Variants in LPCAT2 observed in about 807,000 individuals in gnomAD.
LPCAT2 encodes lysophosphatidylcholine acyltransferase 2, also known as 1-AGP acyltransferase 11.
In LPCAT2, 58 loss-of-function variants were observed where a neutral mutation model predicts 64.7. The observed-to-expected ratio is 0.90, with a 90% CI of 0.73 to 1.12. The LOEUF is 1.12. Among genes scored for constraint, LPCAT2 ranks in the 50% most tolerant of loss-of-function variants. The probability of loss-of-function intolerance (pLI) is 0.00; values close to 1 mark genes in which losing one functional copy is unlikely to be tolerated. For synonymous variants in LPCAT2, 252 were observed against 245.3 expected (o/e 1.03, Z -0.26); for missense variants, 579 against 669.8 (o/e 0.86, Z 1.50).
At chr16:55,527,269 A>T (rs557917883) in intron 2 of LPCAT2, among the ~76,000 whole-genome samples, 1 of 152,180 alleles carries the variant, frequency 6.6e-6, no homozygotes, top group African/African-American at 2.4e-5. Flanking sequence ...GGATCACTTG[A>T]GGTCAGGAGT....
At chr16:55,580,169 A>G (rs1176282857) in intron 13 of LPCAT2, among the ~76,000 whole-genome samples, 1 of 152,184 alleles carries the variant, frequency 6.6e-6, no homozygotes. Context: ...GGATGGGAAA[A>G]GTAGATCACA....
At chr16:55,570,307 T>C (rs1230199712) in intron 11 of LPCAT2, among the ~76,000 whole-genome samples, 5 of 152,162 alleles carry the variant, frequency 3.3e-5, no homozygotes, top group African/African-American at 1.2e-4. Flanking sequence ...AGTTGGTTTA[T>C]CTAGCTACCC....
chr16:55,536,039 A>G (rs1249624372), intron 7 of LPCAT2, among the ~76,000 whole-genome samples: 3 of 152,204 alleles, frequency 2.0e-5, no homozygotes, highest in Non-Finnish European at 2.9e-5. Context: ...TTTTAAACAA[A>G]CACAAAATCT....
intron 1 of LPCAT2, among the ~76,000 whole-genome samples, chr16:55,519,328 G>A (rs562882701): frequency 6.7e-5 from 10 of 149,902 alleles, no homozygotes; most frequent in East Asian, 2.0e-4. Context: ...GTGAAACCCC[G>A]TCTCTACTAA....
At chr16:55,513,044 C>A (rs1248548156) in intron 1 of LPCAT2, among the ~76,000 whole-genome samples, 1 of 152,068 alleles carries the variant, frequency 6.6e-6, no homozygotes, top group Non-Finnish European at 1.5e-5. Context: ...ATATATCACC[C>A]AAAATGGCCA....
chr16:55,542,396 G>C (rs1390962359), intron 8 of LPCAT2, among the ~76,000 whole-genome samples: 1 of 152,074 alleles, frequency 6.6e-6, no homozygotes, highest in African/African-American at 2.4e-5. Context: ...CAATAGAAGG[G>C]AATACATTCA....
At chr16:55,573,491 AGCG>A (rs1416250747) in intron 11 of LPCAT2, among the ~76,000 whole-genome samples, 7 of 152,122 alleles carry the variant, frequency 4.6e-5, no homozygotes, top group African/African-American at 1.7e-4. Context: ...TTTTGATTGA[AGCG>A]TAGATACTTC....
rs566755755 is a variant in LPCAT2 at position 55,585,139 on chromosome 16, A to C, written c.*2041A>C. ...AATGTGATATTTCTATTTTGTGATT[A>C]TGTTACTGAATAAACAAACTTGCTA... On this transcript the variant is annotated 3_prime_UTR_variant, in exon 14 of 14. Coordinates refer to ENST00000262134, the MANE Select transcript of LPCAT2 (RefSeq NM_017839.5). The C allele has an allele frequency of 2.6e-5, 4 of 152,280 alleles. No homozygotes were observed. The highest frequency in any genetic ancestry group is 9.6e-5 in the African/African-American group (4 of 41,574). 9.4% of individuals were successfully genotyped at this position (152,280 alleles called of 1,614,324 possible).
intron 11 of LPCAT2, among the ~76,000 whole-genome samples, chr16:55,572,821 A>G (rs548364073): frequency 4.5e-4 from 68 of 152,356 alleles, no homozygotes; most frequent in African/African-American, 1.6e-3. Context: ...CAAGAGAGTA[A>G]GAGCATATCT....
Position 55,525,600 on chromosome 16 carries a change from A to G in LPCAT2, c.264A>G (p.Thr88=). 1 of 1,612,646 alleles carries G rather than the reference A, an allele frequency of 6.2e-7. No individual in the cohort carries two copies. Among genetic ancestry groups the G allele is most frequent in the East Asian group, 2.2e-5 (1 of 44,800 alleles). The change falls in exon 2 of 14, where the codon ACA becomes ACG. Residue 88 remains threonine, a synonymous_variant. Transcript: ENST00000262134. ...LLAWPFAAIS[T]VCCPEKLTHP... ...CATGGCCATTTGCTGCAATTTCAACAGTATGCTGTCCTGAAAAGCTGACCC... is the reference window on the plus strand; with the variant it reads ...CATGGCCATTTGCTGCAATTTCAACGGTATGCTGTCCTGAAAAGCTGACCC...
At chr16:55,518,311 T>A (rs57705730) in intron 1 of LPCAT2, among the ~76,000 whole-genome samples, 2,291 of 152,274 alleles carry the variant, frequency 0.015, 53 homozygotes, top group African/African-American at 0.051. Context: ...TGTTCATAAA[T>A]TTGGAAAACT....
At chr16:55,531,354 C>G (rs1567394792) in intron 4 of LPCAT2, among the ~76,000 whole-genome samples, 1 of 152,022 alleles carries the variant, frequency 6.6e-6, no homozygotes, top group Non-Finnish European at 1.5e-5. Flanking sequence ...ACTTTGAAAA[C>G]ATGAAGAAGT....
chr16:55,546,433 C>T (rs1337411681), intron 9 of LPCAT2, among the ~76,000 whole-genome samples: 26 of 152,140 alleles, frequency 1.7e-4, no homozygotes, highest in African/African-American at 6.0e-4. Context: ...GGTGTGCATC[C>T]TCTTCCCACA....
At chr16:55,518,237 T>G (rs1375936590) in intron 1 of LPCAT2, among the ~76,000 whole-genome samples, 1 of 151,586 alleles carries the variant, frequency 6.6e-6, no homozygotes, top group African/African-American at 2.4e-5. Flanking sequence ...AATTCTACAT[T>G]GAAAACTACA....
chr16:55,537,431 G>C, intron 7 of LPCAT2, 147 bp from the exon 8 acceptor site: 6 of 537,900 alleles, frequency 1.1e-5, no homozygotes, highest in Non-Finnish European at 2.0e-5. Flanking sequence ...CCCAAAAAGT[G>C]TTATAGCTGC....
In LPCAT2 at chr16:55,574,619, A is replaced by T. The variant is rs182817485; in HGVS notation, c.1216-12A>T. The T allele has an allele frequency of 7.8e-5, 125 of 1,594,276 alleles. 1 individual carries two copies. The East Asian group carries it at 1.8e-3, about 23-fold the overall frequency. Reference sequence around the variant, plus strand: ...GTGGCCCTCCTAATTGATTTATCCCATCCTTTCACAGAACCATGATGGCAG... The same window carrying T: ...GTGGCCCTCCTAATTGATTTATCCCTTCCTTTCACAGAACCATGATGGCAG... On this transcript the variant is annotated splice_polypyrimidine_tract_variant and intron_variant, in intron 11 of 13. Transcript: ENST00000262134.
At chr16:55,550,479 G>A (rs1419608057) in intron 10 of LPCAT2, among the ~76,000 whole-genome samples, 1 of 152,178 alleles carries the variant, frequency 6.6e-6, no homozygotes, top group Non-Finnish European at 1.5e-5. Flanking sequence ...GACTCACTAA[G>A]TAATGTTTAG....
chr16:55,564,265 G>T (rs189938548), intron 11 of LPCAT2, among the ~76,000 whole-genome samples: 2 of 151,862 alleles, frequency 1.3e-5, no homozygotes, highest in Non-Finnish European at 3.0e-5. Context: ...TTAAGAGTCA[G>T]TACTTCCCAC....
rs375337837 is a variant in LPCAT2 at position 55,562,188 on chromosome 16, G to C, written c.1215+11086G>C. 2.7e-4 allele frequency among the ~76,000 whole-genome samples: 41 copies of C among 151,954 alleles called. No homozygotes were observed. In the East Asian group the frequency reaches 5.6e-3, roughly 21 times the overall value. ...TTATCTCTCATCACTCCTAGCAATA[G>C]AGTCTCATCTCATTGTACTATTCAC... On this transcript the variant is annotated intron_variant, in intron 11 of 13. Transcript: ENST00000262134.
Sources: gnomAD v4.1 joint callset for allele counts (sites outside exome capture counted in the v4.1 genomes callset) on GRCh38, gnomAD v4.1.1 for gene constraint, MANE v1.5 for transcripts, NCBI Gene and HGNC (gene_info 2026-07-23, HGNC 2026-07-21) for gene names.